Variants in PRRX1 observed in about 807,000 individuals in gnomAD.
PRRX1 encodes the protein paired related homeobox 1, also known as paired mesoderm homeobox protein 1.
In PRRX1, 8 loss-of-function variants were observed where a neutral mutation model predicts 24.0. That is an observed-to-expected ratio of 0.33 (90% CI 0.20 to 0.60). PRRX1 has a LOEUF of 0.60. PRRX1 is among the 20% of genes least tolerant of loss of function. PRRX1 has a pLI of 0.82. For missense variants in PRRX1, 281 were observed against 322.4 expected, an observed-to-expected ratio of 0.87 and a Z score of 0.98; for synonymous variants, 160 against 131.7, an observed-to-expected ratio of 1.22 and a Z score of -1.47.
chr1:170,673,539 A>G (rs1433234486), intron 1 of PRRX1, among the ~76,000 whole-genome samples: 1 of 152,116 alleles, frequency 6.6e-6, no homozygotes, highest in East Asian at 1.9e-4. Context: ...TTTAATAACC[A>G]TCTATATACT....
At chr1:170,717,599 A>G (rs1654946931) in intron 1 of PRRX1, among the ~76,000 whole-genome samples, 1 of 151,990 alleles carries the variant, frequency 6.6e-6, no homozygotes, top group Non-Finnish European at 1.5e-5. Flanking sequence ...ACAGAAGCTA[A>G]GGATTTTTCT....
intron 3 of PRRX1, among the ~76,000 whole-genome samples, chr1:170,735,831 A>G (rs1389601176): frequency 1.3e-5 from 2 of 152,084 alleles, no homozygotes; most frequent in African/African-American, 2.4e-5. Flanking sequence ...TCCTCACTCT[A>G]CACCACTTTC....
chr1:170,716,750 G>T (rs1200867663), intron 1 of PRRX1, among the ~76,000 whole-genome samples: 1 of 152,132 alleles, frequency 6.6e-6, no homozygotes, highest in African/African-American at 2.4e-5. Flanking sequence ...AGTTGTTTTT[G>T]CAAGAAAAGA....
intron 1 of PRRX1, among the ~76,000 whole-genome samples, chr1:170,684,298 A>G (rs1278004291): frequency 6.6e-6 from 1 of 152,210 alleles, no homozygotes; most frequent in Non-Finnish European, 1.5e-5. Flanking sequence ...CAGACATTTT[A>G]TCTCAGAAAC....
chr1:170,731,144 T>G (rs1300696793), intron 3 of PRRX1, among the ~76,000 whole-genome samples: 3 of 152,224 alleles, frequency 2.0e-5, no homozygotes, highest in African/African-American at 4.8e-5. Flanking sequence ...CCAAAGAATT[T>G]ACCAGATCTC....
In PRRX1 at chr1:170,664,207, G is replaced by C. The variant is rs971077032; in HGVS notation, c.-12G>C. On this transcript the variant is annotated 5_prime_UTR_variant, in exon 1 of 4. Coordinates refer to ENST00000239461, the MANE Select transcript of PRRX1 (RefSeq NM_022716.4). ...GGGAAGAGGGGGGTGGGTGGGATCGGTGGGGGAGACCATGACCTCCAGCTA... is the reference window on the plus strand; with the variant it reads ...GGGAAGAGGGGGGTGGGTGGGATCGCTGGGGGAGACCATGACCTCCAGCTA... The C allele has an allele frequency of 4.4e-6, 7 of 1,607,292 alleles. No individual in the cohort carries two copies. Among genetic ancestry groups the C allele is most frequent in the Non-Finnish European group, 5.9e-6 (7 of 1,177,464 alleles).
chr1:170,675,199 A>C (rs985257940), intron 1 of PRRX1, among the ~76,000 whole-genome samples: 3 of 152,232 alleles, frequency 2.0e-5, no homozygotes, highest in Non-Finnish European at 4.4e-5. Flanking sequence ...AGTCCTTCAG[A>C]GTAAACAGCT....
Position 170,738,158 on chromosome 1 carries a change from T to C in PRRX1, c.*1972T>C, listed in dbSNP as rs1308432007. 1 of 220,308 alleles carries C rather than the reference T, an allele frequency of 4.5e-6. No individual in the cohort carries two copies. Among genetic ancestry groups the C allele is most frequent in the Non-Finnish European group, 9.1e-6 (1 of 109,630 alleles). 13.6% of individuals were successfully genotyped at this position (220,308 alleles called of 1,614,324 possible). A position where few individuals can be genotyped will look rare whatever the true frequency, so the allele number is the denominator to read the frequency against. On this transcript the variant is annotated 3_prime_UTR_variant, in exon 4 of 4. Transcript: ENST00000239461. Reference sequence around the variant, plus strand: ...TCTAATAATTTTTAGTTGTGAGTGATTAAAAAACTTTGGATCAATTTTGGT... The same window carrying C: ...TCTAATAATTTTTAGTTGTGAGTGACTAAAAAACTTTGGATCAATTTTGGT...
In PRRX1 at chr1:170,738,584, C is replaced by G. The variant is rs1198480768; in HGVS notation, c.*2398C>G. The G allele has an allele frequency of 4.4e-6, 1 of 228,734 alleles. No homozygotes were observed. Among genetic ancestry groups the G allele is most frequent in the African/African-American group, 2.2e-5 (1 of 45,094 alleles). The allele number at this position is 228,734 out of a possible 1,614,324, so 14.2% of individuals were successfully genotyped here. On this transcript the variant is annotated 3_prime_UTR_variant, in exon 4 of 4. Coordinates refer to ENST00000239461, the MANE Select transcript of PRRX1 (RefSeq NM_022716.4). The stretch of plus-strand genomic sequence containing the variant: ...GTACATCCCAACAGACTGAAACATT[C>G]TAAGTGAAATGAGTATAATCCAAGT...
intron 1 of PRRX1, among the ~76,000 whole-genome samples, chr1:170,703,427 G>A (rs1654456292): frequency 6.6e-6 from 1 of 152,160 alleles, no homozygotes; most frequent in African/African-American, 2.4e-5. Flanking sequence ...TTCTTAGCAA[G>A]TAGTTAGTAC....
At chr1:170,666,354 G>A (rs1481472324) in intron 1 of PRRX1, among the ~76,000 whole-genome samples, 1 of 145,556 alleles carries the variant, frequency 6.9e-6, no homozygotes, top group African/African-American at 2.6e-5. Context: ...GGAAGCAGAG[G>A]TTGCAGTGAG....
intron 1 of PRRX1, among the ~76,000 whole-genome samples, chr1:170,712,885 A>T (rs1221374381): frequency 1.3e-5 from 2 of 152,172 alleles, no homozygotes; most frequent in Non-Finnish European, 2.9e-5. Context: ...TGGGTCTGAC[A>T]AAAAGATTCT....
At chr1:170,725,941 G>T (rs1040179210) in intron 2 of PRRX1, among the ~76,000 whole-genome samples, 7 of 152,038 alleles carry the variant, frequency 4.6e-5, no homozygotes, top group South Asian at 2.1e-4. Context: ...CCCATATTTT[G>T]CTGTCCCGTG....
intron 1 of PRRX1, among the ~76,000 whole-genome samples, chr1:170,689,898 G>C (rs987736639): frequency 8.6e-5 from 13 of 151,518 alleles, no homozygotes; most frequent in Non-Finnish European, 1.0e-4. Context: ...GTGTGCGTGT[G>C]TGTGTGTGTG....
intron 1 of PRRX1, among the ~76,000 whole-genome samples, chr1:170,691,084 G>T (rs557013115): frequency 2.0e-5 from 3 of 152,210 alleles, no homozygotes; most frequent in Non-Finnish European, 2.9e-5. Flanking sequence ...GAAAGCTATC[G>T]AGAGAGCAAG....
intron 1 of PRRX1, among the ~76,000 whole-genome samples, chr1:170,712,324 C>A (rs943199499): frequency 1.3e-5 from 2 of 152,092 alleles, no homozygotes; most frequent in Non-Finnish European, 2.9e-5. Context: ...TATCCTTGTG[C>A]AATTTTGAGT....
intron 1 of PRRX1, among the ~76,000 whole-genome samples, chr1:170,688,056 G>A (rs1318215267): frequency 6.6e-6 from 1 of 152,164 alleles, no homozygotes; most frequent in East Asian, 1.9e-4. Context: ...TAGAAGTCAA[G>A]CATGTAGGCA....
At chr1:170,697,822 C>A (rs1045789676) in intron 1 of PRRX1, among the ~76,000 whole-genome samples, 2 of 145,278 alleles carry the variant, frequency 1.4e-5, no homozygotes, top group African/African-American at 2.5e-5. Flanking sequence ...AGAAATATAT[C>A]TCTGTATAAA....
At chr1:170,668,783 T>G (rs1322790020) in intron 1 of PRRX1, 4 of 152,160 alleles carry the variant, frequency 2.6e-5, no homozygotes, top group Non-Finnish European at 4.4e-5. Flanking sequence ...AATTTTCTTA[T>G]GCAGCACCAT....
Sources: gnomAD v4.1 joint callset for allele counts (sites outside exome capture counted in the v4.1 genomes callset) on GRCh38, gnomAD v4.1.1 for gene constraint, MANE v1.5 for transcripts, NCBI Gene and HGNC (gene_info 2026-07-23, HGNC 2026-07-21) for gene names.